Variants in DERPC observed in about 807,000 individuals in gnomAD.
DERPC encodes decreased expression in renal and prostate cancer protein.
Under a neutral mutation model 7.2 loss-of-function variants are expected in DERPC, and 1 was observed. The ratio of observed to expected loss-of-function variants is 0.14; its 90% CI spans 0.05 to 0.66. The LOEUF is 0.66. Among genes scored for constraint, DERPC ranks in the 30% least tolerant of loss-of-function variants. The probability of loss-of-function intolerance (pLI) is 0.84; values close to 1 mark genes in which losing one functional copy is unlikely to be tolerated. For synonymous variants in DERPC, 185 were observed against 117.6 expected, an observed-to-expected ratio of 1.57 and a Z score of -3.71; for missense variants, 502 against 299.4, an observed-to-expected ratio of 1.68 and a Z score of -4.99.
In DERPC at chr16:69,119,018, G is replaced by C. The variant is rs1398389455; in HGVS notation, c.1411C>G (p.Leu471Val). The C allele has an allele frequency of 4.3e-6, 3 of 703,070 alleles. No individual in the cohort carries two copies. The highest frequency in any genetic ancestry group is 7.8e-6 in the Non-Finnish European group (3 of 385,016). 43.6% of individuals were successfully genotyped at this position (703,070 alleles called of 1,614,324 possible). ...PAPFTRPTGT[L>V]GLNPASFPRM... ...GGAAAGGAAGCTGGGTTGAGACCCA[G>C]GGTCCCAGTTGGCCTTGTGAAAGGA... The change falls in exon 3 of 3, where the codon CTG becomes GTG. Residue 471 changes from leucine to valine, a missense_variant. Coordinates refer to ENST00000519520, the MANE Select transcript of DERPC (RefSeq NM_001002847.4).
At chr16:69,121,320 G>A (rs1961638620) in intron 2 of DERPC, 116 bp downstream of exon 2, 2 of 1,213,998 alleles carry the variant, frequency 1.6e-6, no homozygotes, top group Non-Finnish European at 2.4e-6. Flanking sequence ...CTAGAGATCA[G>A]AATGCAAGGA....
At position 69,118,275 on chromosome 16, in the gene DERPC, G is replaced by C. The variant is rs886296218; in HGVS notation, c.*579C>G. On this transcript the variant is annotated 3_prime_UTR_variant, in exon 3 of 3. Transcript: ENST00000519520. ...TAAGTCCCAGGAGAAGGGAGCTGCA[G>C]GCCCAGTCAGTCAAGCAGAAACTGC... The C allele has an allele frequency of 3.0e-5, 27 of 888,532 alleles. No homozygotes were observed. The highest frequency in any genetic ancestry group is 2.8e-4 in the South Asian group (21 of 74,440). The allele number at this position is 888,532 out of a possible 1,614,324, so 55.0% of individuals were successfully genotyped here.
chr16:69,131,145 C>T (rs1047488454), intron 1 of DERPC: 2 of 152,166 alleles, frequency 1.3e-5, no homozygotes, highest in African/African-American at 4.8e-5. Flanking sequence ...TCTTGCTCCC[C>T]TCCAAAAAGG....
rs1237812656 is a variant in DERPC at position 69,120,265 on chromosome 16, G to C, written c.164C>G (p.Ala55Gly). Residue 55 changes from alanine to glycine, a missense_variant, in exon 3 of 3, where the codon GCC (alanine) becomes GGC (glycine). Ala to Gly is a moderately conservative substitution (Grantham distance 60). Coordinates refer to ENST00000519520, the MANE Select transcript of DERPC (RefSeq NM_001002847.4). This position sits in a 1 kb window ranked among gnomAD's most constrained non-coding sequence, Gnocchi z 4.0. ...GVNSDPFLMA[A>G]GSLGGNLTPF... ...GGTCAGATTTCCACCAAGAGAACCG[G>C]CCGCCATAAGGAAGGGATCCGAGTT... The C allele has an allele frequency of 1.4e-6, 1 of 732,096 alleles. No homozygotes were observed. Among genetic ancestry groups the C allele is most frequent in the Non-Finnish European group, 2.5e-6 (1 of 407,246 alleles). 45.4% of individuals were successfully genotyped at this position (732,096 alleles called of 1,614,324 possible).
At chr16:69,130,770 T>C (rs556235872) in intron 1 of DERPC, among the ~76,000 whole-genome samples, 22 of 152,356 alleles carry the variant, frequency 1.4e-4, no homozygotes, top group African/African-American at 4.8e-4. Flanking sequence ...GTCTTAATAC[T>C]ACACTGTGTT....
intron 1 of DERPC, among the ~76,000 whole-genome samples, 197 bp from the exon 2 acceptor site, chr16:69,121,690 C>CG (rs1341680014): frequency 7.0e-6 from 1 of 142,510 alleles, no homozygotes; most frequent in African/African-American, 2.6e-5. Context: ...TTTTTTGAGA[C>CG]GGAGTCTCAC....
At chr16:69,128,272 T>C (rs898273631) in intron 1 of DERPC, among the ~76,000 whole-genome samples, 1 of 152,200 alleles carries the variant, frequency 6.6e-6, no homozygotes, top group African/African-American at 2.4e-5. Flanking sequence ...ATGTCTTTCG[T>C]TAGGAACAAT....
chr16:69,120,496 G>A lies in DERPC; in HGVS notation c.-68C>T, dbSNP rs1961566223. On this transcript the variant is annotated 5_prime_UTR_variant, in exon 3 of 3. Transcript: ENST00000519520. This position sits in a 1 kb window ranked among gnomAD's most constrained non-coding sequence, Gnocchi z 4.0. ...TTGAAAAGGATCTTGTCTTTGATGAGTGCTGTCACCAGGTACCGGGTGCCA... is the reference window on the plus strand; with the variant it reads ...TTGAAAAGGATCTTGTCTTTGATGAATGCTGTCACCAGGTACCGGGTGCCA... The A allele has an allele frequency of 1.2e-6, 2 of 1,614,118 alleles. No homozygotes were observed. Among genetic ancestry groups the A allele is most frequent in the Non-Finnish European group, 1.7e-6 (2 of 1,180,018 alleles).
chr16:69,124,609 A>G (rs1961927578), intron 1 of DERPC, among the ~76,000 whole-genome samples: 1 of 151,570 alleles, frequency 6.6e-6, no homozygotes. Context: ...TTCTGACCTG[A>G]GGTGATCCAC....
rs761123744 is a variant in DERPC at position 69,121,455 on chromosome 16, C to T, written c.-241G>A. On this transcript the variant is annotated 5_prime_UTR_variant, in exon 2 of 3. In the 5' UTR this introduces an upstream ATG that the reference lacks. Transcript: ENST00000519520. ...ACTTACCTGGAAATAACAATTTGCA[C>T]CATGAGCTTTCTGTCTTTAAAAAGC... 6.2e-7 allele frequency: 1 copy of T among 1,602,960 alleles called. No individual in the cohort carries two copies. Among genetic ancestry groups the T allele is most frequent in the South Asian group, 1.1e-5 (1 of 88,494 alleles).
intron 1 of DERPC, among the ~76,000 whole-genome samples, chr16:69,126,728 G>C (rs1162444546): frequency 6.6e-6 from 1 of 152,214 alleles, no homozygotes; most frequent in Non-Finnish European, 1.5e-5. Flanking sequence ...TACTAGTCAG[G>C]AACGTAGAGG....
chr16:69,130,954 T>C (rs559917928), intron 1 of DERPC, among the ~76,000 whole-genome samples: 83 of 152,232 alleles, frequency 5.5e-4, no homozygotes, highest in Non-Finnish European at 9.1e-4. Flanking sequence ...TATGTCTCTA[T>C]GTGCCTTTCT....
At chr16:69,129,197 G>A (rs1010781186) in intron 1 of DERPC, among the ~76,000 whole-genome samples, 16 of 151,974 alleles carry the variant, frequency 1.1e-4, no homozygotes, top group East Asian at 1.9e-4. Context: ...TTGGGAGGCC[G>A]AGGCGGGCAG....
In DERPC at chr16:69,119,551, G is replaced by A. The variant is rs1317471084; in HGVS notation, c.878C>T (p.Ser293Leu). ...TGTGCCCATGTTTCCAGAAGCCTGT[G>A]AGAAAGAAGCTGAATTTGCTCCTAA... ...GLLGANSASF[S>L]QASGNMGTSP... is the part of the protein sequence containing the mutation. The change falls in exon 3 of 3, where the codon TCA (serine) becomes TTA (leucine). Residue 293 changes from serine (S) to leucine (L), a missense_variant. Physicochemically the swap from Ser to Leu is moderately radical, Grantham distance 145. Transcript: ENST00000519520. 2 of 702,826 alleles carry A rather than the reference G, an allele frequency of 2.8e-6. No homozygotes were observed. The highest frequency in any genetic ancestry group is 3.5e-5 in the African/African-American group (2 of 57,268). The allele number at this position is 702,826 out of a possible 1,614,324, so 43.5% of individuals were successfully genotyped here.
chr16:69,131,856 A>T (rs550143095), intron 1 of DERPC, among the ~76,000 whole-genome samples: 1 of 151,028 alleles, frequency 6.6e-6, no homozygotes, highest in South Asian at 2.1e-4. Context: ...TCCCTCCCAC[A>T]AAAGAACCTG....
In DERPC at chr16:69,118,876, G is replaced by C. The variant is rs746217118; in HGVS notation, c.1553C>G (p.Pro518Arg). 34 of 702,828 alleles carry C rather than the reference G, an allele frequency of 4.8e-5. No individual in the cohort carries two copies. The allele number at this position is 702,828 out of a possible 1,614,324, so 43.5% of individuals were successfully genotyped here. A position where few individuals can be genotyped will look rare whatever the true frequency, so the allele number is the denominator to read the frequency against. Residue 518 changes from proline (P) to arginine (R), a missense_variant, in exon 3 of 3, where the codon CCA becomes CGA. By Grantham distance (103) the Pro-to-Arg change is moderately radical (BLOSUM62 -2). Coordinates refer to ENST00000519520, the MANE Select transcript of DERPC (RefSeq NM_001002847.4). ...TGTTTAAGGGGGCAACATTCCATTT[G>C]GGTACATTGCAGCCATTGGACCCCC... ...RPGGPMAAMY[P>R]NGMLPP is the part of the protein sequence containing the mutation.
chr16:69,130,674 T>C (rs1226007065), intron 1 of DERPC, among the ~76,000 whole-genome samples: 1 of 152,238 alleles, frequency 6.6e-6, no homozygotes, highest in African/African-American at 2.4e-5. Flanking sequence ...TTTTAGCACA[T>C]TGTCTGACAC....
At chr16:69,127,601 CTTTTTTTTTTT>C (rs71383961) in intron 1 of DERPC, among the ~76,000 whole-genome samples, 1 of 104,392 alleles carries the variant, frequency 9.6e-6, no homozygotes, top group Non-Finnish European at 1.8e-5. Context: ...CTCCCGGCAA[CTTTTTTTTTTT>C]TTTTTTTTTT....
intron 1 of DERPC, among the ~76,000 whole-genome samples, chr16:69,123,059 TCTTA>T (rs1365828753): frequency 2.6e-5 from 4 of 152,138 alleles, no homozygotes; most frequent in African/African-American, 7.2e-5. Context: ...GCACCCGGCC[TCTTA>T]CTTTTTTCTT....
Sources: gnomAD v4.1 joint callset for allele counts (sites outside exome capture counted in the v4.1 genomes callset) on GRCh38, gnomAD v4.1.1 for gene constraint, Gnocchi (gnomAD v3.1) non-coding constraint, MANE v1.5 for transcripts, NCBI Gene and HGNC (gene_info 2026-07-23, HGNC 2026-07-21) for gene names.